EML6: variants seen among roughly 807,000 people sequenced by gnomAD.
The protein encoded by EML6 is EMAP like 6.
In EML6, 154 loss-of-function variants were observed where a neutral mutation model predicts 240.1. That is an observed-to-expected ratio of 0.64 (90% CI 0.56 to 0.73). EML6 has a LOEUF of 0.73. Ranked by LOEUF, EML6 falls within the 30% of genes least tolerant of loss-of-function variation. The pLI, the probability that EML6 is intolerant of heterozygous loss-of-function variation, is 0.00. For synonymous variants in EML6, 1,148 were observed against 899.0 expected (o/e 1.28, Z -4.95); for missense variants, 2,964 against 2,474.6 (o/e 1.20, Z -4.20).
chr2:54,866,961 A>G, intron 14 of EML6, 77 bp downstream of exon 14: 1 of 798,444 alleles, frequency 1.3e-6, no homozygotes, highest in Non-Finnish European at 2.1e-6. Flanking sequence ...CACCAGGCTT[A>G]AGGGATCCCC....
intron 2 of EML6, among the ~76,000 whole-genome samples, chr2:54,763,487 T>C (rs1464392948): frequency 6.6e-6 from 1 of 152,228 alleles, no homozygotes; most frequent in Non-Finnish European, 1.5e-5. Context: ...CTCAGAGAAG[T>C]ATTCCAAGCT....
intron 2 of EML6, among the ~76,000 whole-genome samples, chr2:54,787,451 C>G (rs1011914521): frequency 2.0e-5 from 3 of 152,214 alleles, no homozygotes; most frequent in Admixed American, 6.5e-5. Context: ...CACTTACCAG[C>G]TGTGTGGCCT....
intron 2 of EML6, among the ~76,000 whole-genome samples, chr2:54,787,612 C>G (rs1256035854): frequency 2.6e-5 from 4 of 152,156 alleles, no homozygotes; most frequent in African/African-American, 9.7e-5. Flanking sequence ...GCTAATGTCA[C>G]TGAATGATTA....
intron 17 of EML6, chr2:54,879,943 C>G: frequency 3.9e-6 from 1 of 259,206 alleles, no homozygotes; most frequent in Non-Finnish European, 7.2e-6. Context: ...AGCAGCTTTT[C>G]TCAGGCTGGT....
At chr2:54,790,493 C>G (rs1286232560) in intron 2 of EML6, among the ~76,000 whole-genome samples, 1 of 152,114 alleles carries the variant, frequency 6.6e-6, no homozygotes, top group Non-Finnish European at 1.5e-5. Flanking sequence ...TCTGTGTGTA[C>G]AACACCATAC....
rs1677040939 is a variant in EML6, at chr2:54,971,930, TG to T, written c.*1836del. 1 of 152,242 alleles carries T rather than the reference TG, an allele frequency of 6.6e-6. No homozygotes were observed. Among genetic ancestry groups the T allele is most frequent in the Non-Finnish European group, 1.5e-5 (1 of 68,044 alleles). 9.4% of individuals were successfully genotyped at this position (152,242 alleles called of 1,614,324 possible). On this transcript the variant is annotated 3_prime_UTR_variant, in exon 42 of 42. Coordinates refer to ENST00000356458, the MANE Select transcript of EML6 (RefSeq NM_001039753.4). ...TAAATCCTGCACTGTATGATATATGTGAGTTAAAACATTGGTGCATGAATTT... is the reference window on the plus strand; with the variant it reads ...TAAATCCTGCACTGTATGATATATGTAGTTAAAACATTGGTGCATGAATTT...
intron 3 of EML6, among the ~76,000 whole-genome samples, chr2:54,814,790 C>G (rs1668009696): frequency 6.6e-6 from 1 of 152,136 alleles, no homozygotes; most frequent in African/African-American, 2.4e-5. Flanking sequence ...AGTCATTTTT[C>G]TTTCTAGAAC....
intron 7 of EML6, among the ~76,000 whole-genome samples, chr2:54,838,329 C>G (rs1003332752): frequency 6.6e-6 from 1 of 152,144 alleles, no homozygotes; most frequent in East Asian, 1.9e-4. Flanking sequence ...TTCCTCAGTG[C>G]CAGACACTGG....
At chr2:54,955,325 C>A (rs1031990701) in intron 32 of EML6, among the ~76,000 whole-genome samples, 3 of 152,134 alleles carry the variant, frequency 2.0e-5, no homozygotes, top group African/African-American at 7.2e-5. Flanking sequence ...CTAGAGAAGA[C>A]TTCCTGCAGT....
intron 2 of EML6, among the ~76,000 whole-genome samples, chr2:54,786,370 T>C (rs1393625207): frequency 6.6e-5 from 10 of 152,100 alleles, no homozygotes; most frequent in Non-Finnish European, 1.5e-5. Flanking sequence ...ATCTAGGTAT[T>C]TACATAAGCA....
chr2:54,742,207 G>C (rs1225962764), intron 2 of EML6, among the ~76,000 whole-genome samples: 1 of 152,126 alleles, frequency 6.6e-6, no homozygotes, highest in Non-Finnish European at 1.5e-5. Flanking sequence ...CAACTCTATT[G>C]CTTCTGGAAT....
intron 36 of EML6, among the ~76,000 whole-genome samples, chr2:54,963,319 T>G (rs1676608251): frequency 6.6e-6 from 1 of 152,246 alleles, no homozygotes; most frequent in Non-Finnish European, 1.5e-5. Flanking sequence ...TGCTAGACTT[T>G]TAAGTTAGTT....
intron 38 of EML6, 73 bp downstream of exon 38, chr2:54,964,806 G>T: frequency 7.1e-7 from 1 of 1,409,052 alleles, no homozygotes; most frequent in South Asian, 1.3e-5. Flanking sequence ...TATATTAATC[G>T]AGTCCTTACT....
chr2:54,756,744 T>G (rs2103736084), intron 2 of EML6, among the ~76,000 whole-genome samples: 1 of 152,164 alleles, frequency 6.6e-6, no homozygotes, highest in Non-Finnish European at 1.5e-5. Context: ...GGGTCATTAT[T>G]CCTGGCATAC....
At position 54,946,859 on chromosome 2, in the gene EML6, T is replaced by C. The variant is rs577827568; in HGVS notation, c.4005-2023T>C. ...TTGAAGCAATACAGCTGTAAACATA[T>C]GCTTGCGAAATGAGAAAGAAACATT... On this transcript the variant is annotated intron_variant, in intron 28 of 41. Coordinates refer to ENST00000356458, the MANE Select transcript of EML6 (RefSeq NM_001039753.4). Among the ~76,000 whole-genome samples, 11 of 150,992 alleles carry C rather than the reference T, an allele frequency of 7.3e-5. No homozygotes were observed. The East Asian group carries it at 1.6e-3, about 21-fold the overall frequency.
intron 2 of EML6, chr2:54,746,967 T>C (rs1464639598): frequency 1.3e-5 from 2 of 152,214 alleles, no homozygotes; most frequent in African/African-American, 4.8e-5. Context: ...AATTACTGAA[T>C]GTCTAACTTA....
intron 2 of EML6, among the ~76,000 whole-genome samples, chr2:54,805,723 T>G (rs191682837): frequency 6.6e-6 from 1 of 152,196 alleles, no homozygotes; most frequent in Non-Finnish European, 1.5e-5. Context: ...CATGCTTGTT[T>G]GTTCTCTAAG....
intron 28 of EML6, among the ~76,000 whole-genome samples, chr2:54,942,536 A>G (rs1558710139): frequency 6.6e-6 from 1 of 152,066 alleles, no homozygotes; most frequent in Non-Finnish European, 1.5e-5. Flanking sequence ...GCAGGAGTGG[A>G]AGGTGTGAAG....
chr2:54,899,572 A>G, intron 21 of EML6, 69 bp from the exon 22 acceptor site: 1 of 1,464,134 alleles, frequency 6.8e-7, no homozygotes, highest in Non-Finnish European at 9.2e-7. Context: ...AATATGTAGC[A>G]CCAGGCTAAA....
Sources: allele counts gnomAD v4.1 joint callset (sites outside exome capture counted in the v4.1 genomes callset), GRCh38; gene constraint gnomAD v4.1.1; transcripts MANE v1.5; gene names NCBI Gene and HGNC (gene_info 2026-07-23, HGNC 2026-07-21).